FUNDC2: variants seen among roughly 807,000 people sequenced by gnomAD.
FUNDC2 encodes FUN14 domain containing 2, also known as FUN14 domain-containing protein 2.
A neutral mutation model predicts 15.6 loss-of-function variants in FUNDC2; 4 were observed. That is an observed-to-expected ratio of 0.26 (90% CI 0.13 to 0.59). The LOEUF (loss-of-function observed/expected upper bound fraction) is 0.59, where lower values mean the gene tolerates loss of function less well. FUNDC2 is among the 20% of genes least tolerant of loss of function. The probability of loss-of-function intolerance (pLI) is 0.90; values close to 1 mark genes in which losing one functional copy is unlikely to be tolerated. For missense variants in FUNDC2, 98 were observed against 149.7 expected, an observed-to-expected ratio of 0.65 and a Z score of 1.80; for synonymous variants, 44 against 56.9, an observed-to-expected ratio of 0.77 and a Z score of 1.02.
chrX:155,056,556 C>G lies in FUNDC2; in HGVS notation c.*1884C>G, dbSNP rs1383125653. 1.9e-5 allele frequency: 2 copies of G among 105,993 alleles called. No homozygotes were observed. Among genetic ancestry groups the G allele is most frequent in the Non-Finnish European group, 3.9e-5 (2 of 51,749 alleles). The allele number at this position is 105,993 out of a possible 1,213,427, so 8.7% of individuals were successfully genotyped here. ...TTTTTTGCTTGCTATATATTTATAT[C>G]TCTATATATATTGATATAGACATAT... On this transcript the variant is annotated 3_prime_UTR_variant, in exon 5 of 5. Coordinates refer to ENST00000369498, the MANE Select transcript of FUNDC2 (RefSeq NM_023934.4).
chrX:155,041,659 A>G (rs1000031718), intron 2 of FUNDC2, among the ~76,000 whole-genome samples: 4 of 111,427 alleles, frequency 3.6e-5, no homozygotes, highest in African/African-American at 1.3e-4. Context: ...AGTACATTAA[A>G]AATGTTATTT....
At chrX:155,041,890 A>C (rs1473687442) in intron 2 of FUNDC2, among the ~76,000 whole-genome samples, 1 of 107,569 alleles carries the variant, frequency 9.3e-6, no homozygotes, top group Non-Finnish European at 1.9e-5. Context: ...AACATGGTGA[A>C]ACCCCGTCTC....
intron 3 of FUNDC2, chrX:155,051,317 A>G (rs2073878928): frequency 5.9e-6 from 1 of 168,223 alleles, no homozygotes; most frequent in Non-Finnish European, 1.1e-5. Context: ...TCATGGGCAC[A>G]TTGTCAGAGT....
rs1250707611 is a variant in FUNDC2 at position 155,056,375 on chromosome X, C to G, written c.*1703C>G. The G allele has an allele frequency of 9.0e-6, 1 of 111,534 alleles. No homozygotes were observed. Among genetic ancestry groups the G allele is most frequent in the Non-Finnish European group, 1.9e-5 (1 of 53,154 alleles). The allele number at this position is 111,534 out of a possible 1,213,427, so 9.2% of individuals were successfully genotyped here. A position where few individuals can be genotyped will look rare whatever the true frequency, so the allele number is the denominator to read the frequency against. On this transcript the variant is annotated 3_prime_UTR_variant, in exon 5 of 5. Transcript: ENST00000369498. The stretch of plus-strand genomic sequence containing the variant: ...AATACCTCATCATATCAGACATTAA[C>G]AGTAATTACATAATATCCAAAATCT...
chrX:155,056,470 A>T lies in FUNDC2; in HGVS notation c.*1798A>T, dbSNP rs941901302. ...TTGAATCAAAATTCATGCAAGGTTC[A>T]CATCGTATTTGCATGATTTGGATAA... On this transcript the variant is annotated 3_prime_UTR_variant, in exon 5 of 5. Transcript: ENST00000369498. The T allele has an allele frequency of 9.0e-6, 1 of 111,082 alleles. No homozygotes were observed. Among genetic ancestry groups the T allele is most frequent in the Non-Finnish European group, 1.9e-5 (1 of 53,052 alleles). 9.2% of individuals were successfully genotyped at this position (111,082 alleles called of 1,213,427 possible).
chrX:155,050,673 C>T (rs2073877030), intron 3 of FUNDC2: 1 of 112,059 alleles, frequency 8.9e-6, no homozygotes, highest in Admixed American at 9.4e-5. Flanking sequence ...CAGTTATAGA[C>T]TCATAAATAA....
At position 155,059,351 on chromosome X, in the gene FUNDC2, C is replaced by G. The variant is rs962123526; in HGVS notation, c.*4679C>G. On this transcript the variant is annotated 3_prime_UTR_variant, in exon 5 of 5. Transcript: ENST00000369498. ...CACCCCACAAATGACTTACCCATTA[C>G]GAAGGGAAAACTACCTTTCTAGCTA... 8 of 111,546 alleles carry G rather than the reference C, an allele frequency of 7.2e-5. No homozygotes were observed. The highest frequency in any genetic ancestry group is 1.3e-4 in the Non-Finnish European group (7 of 53,099). The allele number at this position is 111,546 out of a possible 1,213,427, so 9.2% of individuals were successfully genotyped here. A position where few individuals can be genotyped will look rare whatever the true frequency, so the allele number is the denominator to read the frequency against.
chrX:155,043,273 C>T (rs1557289768), intron 2 of FUNDC2, among the ~76,000 whole-genome samples: 1 of 112,326 alleles, frequency 8.9e-6, no homozygotes, highest in Non-Finnish European at 1.9e-5. Flanking sequence ...GCTTCCTTGC[C>T]TCTACTTATT....
At chrX:155,048,996 A>C (rs1387883579) in intron 3 of FUNDC2, 1 of 112,547 alleles carries the variant, frequency 8.9e-6, no homozygotes, top group Non-Finnish European at 1.9e-5. Context: ...TTGTCTATAA[A>C]ATCTTTTTAT....
At chrX:155,027,121 G>C in intron 1 of FUNDC2, 50 bp downstream of exon 1, 1 of 1,052,750 alleles carries the variant, frequency 9.5e-7, no homozygotes, top group Non-Finnish European at 1.2e-6. Flanking sequence ...CGCCTTCCTG[G>C]GCTCCGGAAG....
chrX:155,033,302 T>A, intron 1 of FUNDC2, 101 bp from the exon 2 acceptor site: 1 of 663,265 alleles, frequency 1.5e-6, no homozygotes, highest in Non-Finnish European at 2.2e-6. Context: ...AATAGAATAT[T>A]TGGAGGTTTC....
intron 4 of FUNDC2, among the ~76,000 whole-genome samples, chrX:155,053,350 T>C (rs1557290617): frequency 9.0e-6 from 1 of 111,594 alleles, no homozygotes; most frequent in Non-Finnish European, 1.9e-5. Flanking sequence ...ATAGAGCCGG[T>C]GGTCTGATTT....
rs782256232 is a variant in FUNDC2 at position 155,043,694 on chromosome X, G to A, written c.285-2815G>A. 1.5e-4 allele frequency among the ~76,000 whole-genome samples: 17 copies of A among 112,277 alleles called. No homozygotes were observed. The East Asian group carries it at 4.7e-3, about 31-fold the overall frequency. ...ATCTGTAACCATTCTAAATATGTCA[G>A]TTACTCTGATTATACTTTAGTAAGT... On this transcript the variant is annotated intron_variant, in intron 2 of 4. Coordinates refer to ENST00000369498, the MANE Select transcript of FUNDC2 (RefSeq NM_023934.4).
intron 2 of FUNDC2, among the ~76,000 whole-genome samples, chrX:155,034,500 A>G (rs1487964554): frequency 4.5e-5 from 5 of 111,632 alleles, no homozygotes; most frequent in African/African-American, 1.6e-4. Context: ...TTCCCAGTGT[A>G]TATGTGCATA....
Position 155,057,642 on chromosome X carries a change from G to A in FUNDC2, c.*2970G>A, listed in dbSNP as rs781903593. The A allele has an allele frequency of 2.4e-4, 27 of 112,071 alleles. No homozygotes were observed. The highest frequency in any genetic ancestry group is 8.8e-4 in the African/African-American group (27 of 30,794). The allele number at this position is 112,071 out of a possible 1,213,427, so 9.2% of individuals were successfully genotyped here. On this transcript the variant is annotated 3_prime_UTR_variant, in exon 5 of 5. Coordinates refer to ENST00000369498, the MANE Select transcript of FUNDC2 (RefSeq NM_023934.4). The stretch of plus-strand genomic sequence containing the variant: ...CCTTCCCTTGTCCTGCAGCGTGCTG[G>A]ACAGTGTCCCGGCTCAGGGACCCCT...
chrX:155,047,463 A>G, intron 3 of FUNDC2: 1 of 341,503 alleles, frequency 2.9e-6, no homozygotes, highest in Non-Finnish European at 5.9e-6. Context: ...AATGTATCGA[A>G]GAGGGAAGCT....
intron 4 of FUNDC2, 79 bp from the exon 5 acceptor site, chrX:155,054,516 C>G (rs2073888016): frequency 8.4e-7 from 1 of 1,187,687 alleles, no homozygotes; most frequent in African/African-American, 1.8e-5. Flanking sequence ...TTAAGACTGG[C>G]ATAGGTATAA....
At chrX:155,047,714 C>T (rs376033875) in intron 3 of FUNDC2, among the ~76,000 whole-genome samples, 1 of 110,544 alleles carries the variant, frequency 9.0e-6, no homozygotes, top group East Asian at 2.8e-4. Flanking sequence ...CTTCCCTCCT[C>T]CTCTCCTTAT....
At chrX:155,027,808 G>A (rs932479032) in intron 1 of FUNDC2, among the ~76,000 whole-genome samples, 1 of 111,790 alleles carries the variant, frequency 8.9e-6, no homozygotes, top group East Asian at 2.8e-4. Flanking sequence ...CTTTGTGGAG[G>A]AGATACTATA....
Sources: gnomAD v4.1 joint callset for allele counts (sites outside exome capture counted in the v4.1 genomes callset) on GRCh38, gnomAD v4.1.1 for gene constraint, MANE v1.5 for transcripts, NCBI Gene and HGNC (gene_info 2026-07-23, HGNC 2026-07-21) for gene names.